USP10: variants seen among roughly 807,000 people sequenced by gnomAD.
USP10 encodes ubiquitin specific peptidase 10, also known as ubiquitin carboxyl-terminal hydrolase 10.
In USP10, 22 loss-of-function variants were observed where a neutral mutation model predicts 84.5. The ratio of observed to expected loss-of-function variants is 0.26; its 90% confidence interval spans 0.19 to 0.37. The LOEUF is 0.37. Ranked by LOEUF, USP10 falls within the 10% of genes least tolerant of loss-of-function variation. USP10 has a pLI of 1.00. For synonymous variants in USP10, 454 were observed against 387.6 expected (o/e 1.17, Z -2.01); for missense variants, 1,019 against 998.9 (o/e 1.02, Z -0.27).
chr16:84,734,281 T>C (rs1351307591), intron 2 of USP10, among the ~76,000 whole-genome samples: 1 of 152,182 alleles, frequency 6.6e-6, no homozygotes, highest in African/African-American at 2.4e-5. Context: ...AAAATCTTGC[T>C]AACTCTTGGT....
intron 13 of USP10, among the ~76,000 whole-genome samples, chr16:84,776,513 T>C (rs980206949): frequency 6.6e-6 from 1 of 152,166 alleles, no homozygotes; most frequent in African/African-American, 2.4e-5. Context: ...TCCAGCCCTG[T>C]CTGGAATGGA....
chr16:84,719,066 A>G (rs1212512460), intron 1 of USP10, among the ~76,000 whole-genome samples: 2 of 152,086 alleles, frequency 1.3e-5, no homozygotes, highest in African/African-American at 4.8e-5. Context: ...TGCTGGGATT[A>G]CAGGCATGAG....
chr16:84,718,387 G>A (rs1261325641), intron 1 of USP10, among the ~76,000 whole-genome samples: 1 of 152,176 alleles, frequency 6.6e-6, no homozygotes. Flanking sequence ...CTGAGGAGCT[G>A]GGACTGCAAG....
At chr16:84,763,157 T>C (rs1056704891) in intron 9 of USP10, 69 bp downstream of exon 9, 6 of 906,362 alleles carry the variant, frequency 6.6e-6, no homozygotes, top group Non-Finnish European at 1.0e-5. Context: ...CATACTCATA[T>C]GTTATGTTGC....
intron 1 of USP10, among the ~76,000 whole-genome samples, chr16:84,729,206 T>G (rs1908896546): frequency 6.6e-6 from 1 of 152,282 alleles, no homozygotes; most frequent in South Asian, 2.1e-4. Context: ...GTCTTAACCT[T>G]CACATTTGTA....
Position 84,722,432 on chromosome 16 carries a change from T to C in USP10, c.22-11003T>C, listed in dbSNP as rs529088144. Among the ~76,000 whole-genome samples, 6 of 152,364 alleles carry C rather than the reference T, an allele frequency of 3.9e-5. No homozygotes were observed. The South Asian group carries it at 1.2e-3, about 32-fold the overall frequency. ...GACATAGGTTTTCATTTCTTGTGGG[T>C]AAAATGTGGTAAGCGTATATTCTAT... On this transcript the variant is annotated intron_variant, in intron 1 of 13. Coordinates refer to ENST00000219473, the MANE Select transcript of USP10 (RefSeq NM_005153.3).
intron 7 of USP10, 74 bp from the exon 8 acceptor site, chr16:84,760,098 T>C (rs1479851879): frequency 6.5e-7 from 1 of 1,530,240 alleles, no homozygotes; most frequent in Non-Finnish European, 9.0e-7. Context: ...TGGGGGAGTT[T>C]TGATGATGTT....
chr16:84,755,266 C>T (rs1342659426), intron 4 of USP10, among the ~76,000 whole-genome samples: 1 of 151,770 alleles, frequency 6.6e-6, no homozygotes, highest in East Asian at 1.9e-4. Flanking sequence ...CCTAACTCTG[C>T]CCTAGAAGAC....
At chr16:84,765,970 G>C (rs574165379) in intron 10 of USP10, among the ~76,000 whole-genome samples, 2 of 152,212 alleles carry the variant, frequency 1.3e-5, no homozygotes, top group African/African-American at 4.8e-5. Context: ...AAGTACTGAA[G>C]AGGCCTCATT....
At chr16:84,759,842 T>C in intron 6 of USP10, 49 bp from the exon 7 acceptor site, 2 of 1,565,698 alleles carry the variant, frequency 1.3e-6, no homozygotes, top group South Asian at 2.2e-5. Context: ...TTAGTAAAAG[T>C]ATATATTGTT....
chr16:84,765,432 G>A lies in USP10; in HGVS notation c.1832+1169G>A, dbSNP rs1445147119. Among the ~76,000 whole-genome samples the A allele has an allele frequency of 6.0e-5, 9 of 150,590 alleles. No individual in the cohort carries two copies. The East Asian group carries it at 1.2e-3, about 20-fold the overall frequency. On this transcript the variant is annotated intron_variant, in intron 10 of 13. Coordinates refer to ENST00000219473, the MANE Select transcript of USP10 (RefSeq NM_005153.3). The stretch of plus-strand genomic sequence containing the variant: ...CGACCGACATCTTCCATTCCCACTC[G>A]CCACCCCTAGGAACCACTCTTTTCC...
intron 1 of USP10, among the ~76,000 whole-genome samples, chr16:84,705,715 CTTT>C (rs1034372044): frequency 4.2e-5 from 3 of 71,292 alleles, no homozygotes; most frequent in Non-Finnish European, 4.9e-5. Context: ...CCCTTGCTTG[CTTT>C]TTTTTTTTTT....
intron 2 of USP10, among the ~76,000 whole-genome samples, chr16:84,735,990 C>G (rs1196242995): frequency 6.8e-6 from 1 of 146,480 alleles, no homozygotes; most frequent in Non-Finnish European, 1.5e-5. Flanking sequence ...GTGGCGAGGG[C>G]GTGTCACTTG....
rs775172894 is a variant in USP10 at position 84,778,997 on chromosome 16, A to G, written c.2312A>G (p.Lys771Arg). The G allele has an allele frequency of 5.0e-6, 8 of 1,614,038 alleles. No individual in the cohort carries two copies. Among genetic ancestry groups the G allele is most frequent in the Non-Finnish European group, 5.1e-6 (6 of 1,179,910 alleles). Reference protein sequence around the residue: ...GWLRIDDQTVKVINQYQVVKP... With the variant: ...GWLRIDDQTVRVINQYQVVKP... Reference sequence around the variant, plus strand: ...CTGCGCATCGATGACCAGACAGTCAAGGTGATCAACCAGTACCAGGTGGTG... The same window carrying G: ...CTGCGCATCGATGACCAGACAGTCAGGGTGATCAACCAGTACCAGGTGGTG... The change falls in exon 14 of 14, where the codon AAG becomes AGG. Residue 771 changes from lysine (K) to arginine (R), a missense_variant. Physicochemically the swap from Lys to Arg is conservative, Grantham distance 26. This residue lies in a region of USP10 where 232 missense variants were observed against 290.1 expected (regional missense o/e 0.80). Coordinates refer to ENST00000219473, the MANE Select transcript of USP10 (RefSeq NM_005153.3).
At chr16:84,710,855 A>T (rs1042248056) in intron 1 of USP10, among the ~76,000 whole-genome samples, 14 of 152,172 alleles carry the variant, frequency 9.2e-5, no homozygotes, top group African/African-American at 3.4e-4. Flanking sequence ...CTCAGGTTGC[A>T]GGTCGTCCGC....
At chr16:84,776,426 C>A (rs1347378362) in intron 13 of USP10, among the ~76,000 whole-genome samples, 1 of 152,184 alleles carries the variant, frequency 6.6e-6, no homozygotes, top group African/African-American at 2.4e-5. Flanking sequence ...CTTCTTTTCT[C>A]CCCCCGATCA....
intron 2 of USP10, among the ~76,000 whole-genome samples, chr16:84,734,106 C>A (rs1427911718): frequency 6.6e-6 from 1 of 152,110 alleles, no homozygotes; most frequent in Admixed American, 6.5e-5. Flanking sequence ...CTCCTGGTGC[C>A]CCTCTGTGGG....
intron 4 of USP10, among the ~76,000 whole-genome samples, chr16:84,754,938 C>T (rs572205967): frequency 2.7e-5 from 4 of 150,852 alleles, no homozygotes; most frequent in Admixed American, 6.6e-5. Flanking sequence ...GCCAGGAGTT[C>T]GAGACCAGCC....
chr16:84,759,292 G>A (rs940600777), intron 5 of USP10, 71 bp from the exon 6 acceptor site: 37 of 1,389,976 alleles, frequency 2.7e-5, no homozygotes, highest in Non-Finnish European at 3.6e-5. Context: ...ACATTCTTGT[G>A]CTTCATGTGC....
Sources: gnomAD v4.1 joint callset for allele counts (sites outside exome capture counted in the v4.1 genomes callset) on GRCh38, gnomAD v4.1.1 for gene constraint, gnomAD v4.1.1 regional missense constraint, MANE v1.5 for transcripts, NCBI Gene and HGNC (gene_info 2026-07-23, HGNC 2026-07-21) for gene names.